Variants in ADAM10 observed in about 807,000 individuals in gnomAD.
The protein encoded by ADAM10 is ADAM metallopeptidase domain 10, also known as disintegrin and metalloproteinase domain-containing protein 10.
In ADAM10, 17 loss-of-function variants were observed where a neutral mutation model predicts 90.1. The observed-to-expected ratio is 0.19, with a 90% confidence interval of 0.13 to 0.28. ADAM10 has a LOEUF of 0.28. Among genes scored for constraint, ADAM10 ranks in the 10% least tolerant of loss-of-function variants. The probability of loss-of-function intolerance (pLI) is 1.00; values close to 1 mark genes in which losing one functional copy is unlikely to be tolerated. For missense variants in ADAM10, 610 were observed against 914.3 expected, an observed-to-expected ratio of 0.67 and a Z score of 4.29; for synonymous variants, 310 against 298.6, an observed-to-expected ratio of 1.04 and a Z score of -0.40.
At chr15:58,676,817 C>CA (rs1445637690) in intron 4 of ADAM10, among the ~76,000 whole-genome samples, 4 of 151,442 alleles carry the variant, frequency 2.6e-5, no homozygotes, top group African/African-American at 7.3e-5. Flanking sequence ...GCTCTGTCTC[C>CA]AAAAAAATAG....
chr15:58,638,966 C>T (rs192708776), intron 8 of ADAM10, among the ~76,000 whole-genome samples: 20 of 152,262 alleles, frequency 1.3e-4, no homozygotes, highest in Admixed American at 1.2e-3. Context: ...AAATGAGTAG[C>T]TGAATCTAAA....
chr15:58,619,768 G>A (rs1895725544), intron 11 of ADAM10, among the ~76,000 whole-genome samples: 1 of 152,018 alleles, frequency 6.6e-6, no homozygotes, highest in Non-Finnish European at 1.5e-5. Context: ...GCCAGGCGTG[G>A]TGGCGGGCGC....
chr15:58,649,822 A>G (rs752010292), intron 5 of ADAM10, among the ~76,000 whole-genome samples: 1 of 152,104 alleles, frequency 6.6e-6, no homozygotes, highest in South Asian at 2.1e-4. Context: ...GTGTTGTTTG[A>G]TATCTCTCTG....
chr15:58,630,150 T>C (rs566775035), intron 9 of ADAM10, among the ~76,000 whole-genome samples: 1 of 152,214 alleles, frequency 6.6e-6, no homozygotes. Context: ...GGTATTTAAA[T>C]GACTGCAGAG....
At chr15:58,616,780 C>A (rs1456403106) in intron 11 of ADAM10, among the ~76,000 whole-genome samples, 1 of 151,996 alleles carries the variant, frequency 6.6e-6, no homozygotes, top group African/African-American at 2.4e-5. Context: ...TAATGAAGAT[C>A]AGAGCAGAAA....
chr15:58,685,199 C>T (rs1343515792), intron 2 of ADAM10, among the ~76,000 whole-genome samples: 13 of 148,926 alleles, frequency 8.7e-5, no homozygotes, highest in African/African-American at 2.5e-4. Flanking sequence ...CAGTGGCTCA[C>T]GCCTGTAATC....
At position 58,749,339 on chromosome 15, in the gene ADAM10, G is replaced by A. The variant is rs1407526986; in HGVS notation, c.55+141C>T. ...GGGCGCGGGGGACAATAGGGAGCGGGGAGCGCGGCCCGCCAGAGTGGCGCC... is the reference window on the plus strand; with the variant it reads ...GGGCGCGGGGGACAATAGGGAGCGGAGAGCGCGGCCCGCCAGAGTGGCGCC... On this transcript the variant is annotated intron_variant, in intron 1 of 15. Coordinates refer to ENST00000260408, the MANE Select transcript of ADAM10 (RefSeq NM_001110.4). 2.7e-6 allele frequency: 3 copies of A among 1,125,468 alleles called. No individual in the cohort carries two copies. In the East Asian group the frequency reaches 1.2e-4, roughly 46 times the overall value. 69.7% of individuals were successfully genotyped at this position (1,125,468 alleles called of 1,614,324 possible).
chr15:58,665,014 C>G (rs1044609758), intron 5 of ADAM10, 83 bp downstream of exon 5: 17 of 1,130,720 alleles, frequency 1.5e-5, no homozygotes, highest in Admixed American at 3.4e-5. Context: ...TTCAGAAATC[C>G]TAGAACATAT....
chr15:58,714,991 C>T (rs1372852780), intron 2 of ADAM10, among the ~76,000 whole-genome samples: 1 of 151,938 alleles, frequency 6.6e-6, no homozygotes, highest in Non-Finnish European at 1.5e-5. Flanking sequence ...ATTAAAATGA[C>T]CACGGTTTAG....
At chr15:58,636,545 C>T (rs977885339) in intron 8 of ADAM10, among the ~76,000 whole-genome samples, 15 of 151,990 alleles carry the variant, frequency 9.9e-5, no homozygotes, top group Non-Finnish European at 1.9e-4. Context: ...CTGACAAATA[C>T]ATAAGTTGTG....
At chr15:58,697,849 G>A (rs1171411450) in intron 2 of ADAM10, among the ~76,000 whole-genome samples, 3 of 152,156 alleles carry the variant, frequency 2.0e-5, no homozygotes, top group Non-Finnish European at 4.4e-5. Context: ...CCCCAGCTAA[G>A]CCTCACCACA....
intron 7 of ADAM10, among the ~76,000 whole-genome samples, chr15:58,643,152 C>A (rs760121088): frequency 1.1e-4 from 16 of 151,762 alleles, no homozygotes; most frequent in African/African-American, 3.9e-4. Context: ...ATTCAGAAAT[C>A]TTTTGAAAAA....
chr15:58,631,009 T>C (rs542158960), intron 9 of ADAM10, among the ~76,000 whole-genome samples: 1 of 152,194 alleles, frequency 6.6e-6, no homozygotes, highest in Admixed American at 6.5e-5. Flanking sequence ...TCTTAGTTTC[T>C]GCAAGAGCTG....
rs185823422 is a variant in ADAM10 at position 58,696,829 on chromosome 15, G to A, written c.207-14515C>T. On this transcript the variant is annotated intron_variant, in intron 2 of 15. Transcript: ENST00000260408. ...AAAGGGAGCTGCCTGGGGACCACACGATGATACTGCTCATGAACGGTCCCC... is the reference window on the plus strand; with the variant it reads ...AAAGGGAGCTGCCTGGGGACCACACAATGATACTGCTCATGAACGGTCCCC... Among the ~76,000 whole-genome samples the A allele has an allele frequency of 1.5e-3, 225 of 152,194 alleles. 1 individual carries two copies. The highest frequency in any genetic ancestry group is 4.9e-3 in the African/African-American group (205 of 41,530).
intron 3 of ADAM10, among the ~76,000 whole-genome samples, chr15:58,681,824 A>C (rs1332178052): frequency 6.6e-6 from 1 of 152,212 alleles, no homozygotes; most frequent in African/African-American, 2.4e-5. Flanking sequence ...GGCTAAGATC[A>C]TCTTTACTGT....
intron 12 of ADAM10, 28 bp downstream of exon 12, chr15:58,611,780 A>G: frequency 1.2e-6 from 2 of 1,607,026 alleles, no homozygotes; most frequent in South Asian, 2.2e-5. Context: ...CTAAAATTAA[A>G]TTTTAAAACA....
intron 2 of ADAM10, among the ~76,000 whole-genome samples, chr15:58,712,838 A>G (rs1180685833): frequency 6.6e-6 from 1 of 152,098 alleles, no homozygotes; most frequent in Non-Finnish European, 1.5e-5. Flanking sequence ...AAAAAAGAAC[A>G]AGACAGGAAC....
chr15:58,728,878 T>C (rs189006591), intron 1 of ADAM10, among the ~76,000 whole-genome samples: 187 of 152,260 alleles, frequency 1.2e-3, no homozygotes, highest in Middle Eastern at 3.4e-3. Context: ...AGTTTGCTAA[T>C]AGGACATAAG....
intron 1 of ADAM10, chr15:58,749,151 A>C (rs1899891486): frequency 2.5e-6 from 1 of 398,702 alleles, no homozygotes; most frequent in Non-Finnish European, 4.4e-6. Context: ...TGCAGCCACC[A>C]GCCTGGGTTC....
Sources: allele counts gnomAD v4.1 joint callset (sites outside exome capture counted in the v4.1 genomes callset), GRCh38; gene constraint gnomAD v4.1.1; transcripts MANE v1.5; gene names NCBI Gene and HGNC (gene_info 2026-07-23, HGNC 2026-07-21).